Variants in PCDH15 observed in about 807,000 individuals in gnomAD.
PCDH15 encodes the protein protocadherin related 15, also known as protocadherin-15.
A neutral mutation model predicts 178.5 loss-of-function variants in PCDH15; 129 were observed. That is an observed-to-expected ratio of 0.72 (90% CI 0.63 to 0.84). The LOEUF (loss-of-function observed/expected upper bound fraction) is 0.84, where lower values mean the gene tolerates loss of function less well. Ranked by LOEUF, PCDH15 falls within the 40% of genes least tolerant of loss-of-function variation. PCDH15 has a pLI of 0.00. For missense variants in PCDH15, 2,230 were observed against 2,099.9 expected, an observed-to-expected ratio of 1.06 and a Z score of -1.21; for synonymous variants, 800 against 732.0, an observed-to-expected ratio of 1.09 and a Z score of -1.50.
At chr10:55,172,783 T>C (rs1839374193) in intron 1 of PCDH15, among the ~76,000 whole-genome samples, 1 of 152,024 alleles carries the variant, frequency 6.6e-6, no homozygotes, top group Admixed American at 6.6e-5. Context: ...GGGGCCTATG[T>C]ATGTTAAAAC....
upstream of PCDH15, among the ~76,000 whole-genome samples, chr10:55,319,818 T>A (rs1843839648): frequency 6.6e-6 from 1 of 151,948 alleles, no homozygotes; most frequent in Admixed American, 6.6e-5. Flanking sequence ...TGGTGCAGAG[T>A]CCAGAGGGTT....
At chr10:55,409,730 C>T (rs1414932734) in intron 2 of PCDH15, among the ~76,000 whole-genome samples, 1 of 152,094 alleles carries the variant, frequency 6.6e-6, no homozygotes, top group South Asian at 2.1e-4. Flanking sequence ...ATACACAGCT[C>T]TGTGTATTTA....
Position 53,802,958 on chromosome 10 carries a change from A to C in PCDH15, c.*3621T>G, listed in dbSNP as rs574040038. 1 of 152,066 alleles carries C rather than the reference A, an allele frequency of 6.6e-6. No homozygotes were observed. Among genetic ancestry groups the C allele is most frequent in the East Asian group, 1.9e-4 (1 of 5,182 alleles). 9.4% of individuals were successfully genotyped at this position (152,066 alleles called of 1,614,324 possible). On this transcript the variant is annotated 3_prime_UTR_variant, in exon 38 of 38. Transcript: ENST00000644397. ...TTTTCAAACTATAGACAATGTTCGAATCTTCCATACATGTGCTTAACTGAC... is the reference window on the plus strand; with the variant it reads ...TTTTCAAACTATAGACAATGTTCGACTCTTCCATACATGTGCTTAACTGAC...
chr10:54,723,467 T>C (rs72794558), intron 1 of PCDH15, among the ~76,000 whole-genome samples: 18,501 of 151,618 alleles, frequency 0.12, 1,254 homozygotes, highest in African/African-American at 0.17. Context: ...TAGAAAAATC[T>C]CTTCTGGACA....
Position 54,941,665 on chromosome 10 carries a change from A to AT in PCDH15, c.-79-44166dup, listed in dbSNP as rs1190445937. Among the ~76,000 whole-genome samples, 4 of 152,040 alleles carry AT rather than the reference A, an allele frequency of 2.6e-5. No homozygotes were observed. The East Asian group carries it at 5.8e-4, about 22-fold the overall frequency. ...TTATTACCTCTTTGTAGACCGTGTA[A>AT]TTTTTTGTTAAAACCTAGAGTTTTA... On this transcript the variant is annotated intron_variant, in intron 2 of 5. Transcript: ENST00000458638.
intron 3 of PCDH15, among the ~76,000 whole-genome samples, chr10:54,884,357 C>T (rs556358436): frequency 1.3e-5 from 2 of 152,128 alleles, no homozygotes; most frequent in South Asian, 4.1e-4. Flanking sequence ...TCACTTTCTA[C>T]TTTATAATAA....
intron 1 of PCDH15, among the ~76,000 whole-genome samples, chr10:54,696,658 A>T (rs1462887246): frequency 6.6e-6 from 1 of 151,646 alleles, no homozygotes; most frequent in Non-Finnish European, 1.5e-5. Context: ...GATCAAAAAG[A>T]TTCTTTCAAA....
At chr10:54,232,541 T>C (rs1441302307) in intron 9 of PCDH15, among the ~76,000 whole-genome samples, 1 of 152,242 alleles carries the variant, frequency 6.6e-6, no homozygotes, top group Non-Finnish European at 1.5e-5. Context: ...AAGATCTTTT[T>C]GATTACTAAG....
chr10:54,237,893 G>T (rs2054799372), intron 8 of PCDH15, among the ~76,000 whole-genome samples: 3 of 152,134 alleles, frequency 2.0e-5, no homozygotes, highest in African/African-American at 7.2e-5. Context: ...AATCTTTTCA[G>T]ACTTAATTAT....
intron 2 of PCDH15, among the ~76,000 whole-genome samples, chr10:54,998,896 T>TATG (rs1839718770): frequency 6.6e-6 from 1 of 152,168 alleles, no homozygotes; most frequent in Non-Finnish European, 1.5e-5. Flanking sequence ...CCACAACGTG[T>TATG]ATGTTTTTAT....
chr10:54,114,735 A>C (rs1235710228), intron 15 of PCDH15, among the ~76,000 whole-genome samples: 1 of 152,162 alleles, frequency 6.6e-6, no homozygotes, highest in Admixed American at 6.5e-5. Context: ...CAGGAAGGGA[A>C]AAACTAAGTC....
chr10:55,589,324 A>G (rs1842790007), intron 2 of PCDH15, among the ~76,000 whole-genome samples: 1 of 152,084 alleles, frequency 6.6e-6, no homozygotes, highest in Non-Finnish European at 1.5e-5. Context: ...TCCTTTCCCC[A>G]TTGCTTGTTT....
chr10:54,993,076 T>G (rs936673364), intron 2 of PCDH15, among the ~76,000 whole-genome samples: 1 of 152,086 alleles, frequency 6.6e-6, no homozygotes, highest in African/African-American at 2.4e-5. Context: ...TTATGGTGGC[T>G]TAGCATGGTG....
chr10:54,323,766 A>G (rs2061756930), intron 7 of PCDH15, among the ~76,000 whole-genome samples: 1 of 151,454 alleles, frequency 6.6e-6, no homozygotes. Context: ...TATGCTGACC[A>G]CCTGAGTGCA....
chr10:54,607,332 A>G (rs1565727903), intron 2 of PCDH15, among the ~76,000 whole-genome samples: 1 of 152,100 alleles, frequency 6.6e-6, no homozygotes, highest in Non-Finnish European at 1.5e-5. Flanking sequence ...TCTAAATTTA[A>G]TAATATTCTT....
chr10:54,790,228 C>T (rs1951266501), intron 1 of PCDH15, among the ~76,000 whole-genome samples: 1 of 151,776 alleles, frequency 6.6e-6, no homozygotes, highest in African/African-American at 2.4e-5. Context: ...TGCTGACAAG[C>T]TCTGCTCATA....
chr10:53,824,232 T>TTGCA (rs1346198613), intron 32 of PCDH15, among the ~76,000 whole-genome samples: 12 of 152,098 alleles, frequency 7.9e-5, no homozygotes, highest in African/African-American at 2.9e-4. Flanking sequence ...ATAAATAAAG[T>TTGCA]TGCATACATC....
chr10:55,582,068 T>C (rs765758741), intron 2 of PCDH15, among the ~76,000 whole-genome samples: 2 of 152,212 alleles, frequency 1.3e-5, no homozygotes, highest in Admixed American at 6.5e-5. Context: ...CCTGTGCCTA[T>C]GCTAATCGTG....
chr10:54,853,328 C>T (rs548436027), intron 3 of PCDH15, among the ~76,000 whole-genome samples: 12,425 of 118,130 alleles, frequency 0.11, 693 homozygotes, highest in East Asian at 0.18. Flanking sequence ...TACATACACA[C>T]ACATATACAT....
Sources: gnomAD v4.1 joint callset for allele counts (sites outside exome capture counted in the v4.1 genomes callset) on GRCh38, gnomAD v4.1.1 for gene constraint, MANE v1.5 for transcripts, NCBI Gene and HGNC (gene_info 2026-07-23, HGNC 2026-07-21) for gene names.